Variants in SLC26A4 observed in about 807,000 individuals in gnomAD.
SLC26A4 encodes the protein solute carrier family 26 member 4, also known as pendrin.
A neutral mutation model predicts 90.4 loss-of-function variants in SLC26A4; 93 were observed. The observed-to-expected ratio is 1.03, with a 90% CI of 0.87 to 1.22. The LOEUF is 1.22. Among genes scored for constraint, SLC26A4 ranks in the 50% most tolerant of loss-of-function variants. The pLI, the probability that SLC26A4 is intolerant of heterozygous loss-of-function variation, is 0.00. For synonymous variants in SLC26A4, 393 were observed against 354.6 expected (o/e 1.11, Z -1.22); for missense variants, 1,127 against 946.2 (o/e 1.19, Z -2.51).
rs760794201 is a variant in SLC26A4, at chr7:107,663,363, T to C, written c.232T>C (p.Tyr78His). 5 of 1,613,976 alleles carry C rather than the reference T, an allele frequency of 3.1e-6. No homozygotes were observed. The highest frequency in any genetic ancestry group is 4.2e-6 in the Non-Finnish European group (5 of 1,179,964). Residue 78 changes from tyrosine (Y) to histidine (H), a missense_variant, in exon 3 of 21, where the codon TAC becomes CAC. Transcript: ENST00000644269. ...LVPILEWLPK[Y>H]RVKEWLLSDV... ...GCCCATCTTGGAGTGGCTCCCCAAA[T>C]ACCGAGTCAAGGAATGGCTGCTTAG...
At chr7:107,702,105 T>C in intron 17 of SLC26A4, 48 bp downstream of exon 17, 1 of 1,225,732 alleles carries the variant, frequency 8.2e-7, no homozygotes, top group Non-Finnish European at 1.2e-6. Context: ...TTGGCAATAG[T>C]AAAATGATGT....
chr7:107,702,121 G>A, intron 17 of SLC26A4, 64 bp downstream of exon 17: 2 of 1,049,114 alleles, frequency 1.9e-6, no homozygotes, highest in South Asian at 1.3e-5. Context: ...GATGTGGGTT[G>A]TCCAGTATTG....
At chr7:107,666,611 A>G (rs1050309933) in intron 3 of SLC26A4, among the ~76,000 whole-genome samples, 3 of 152,172 alleles carry the variant, frequency 2.0e-5, no homozygotes, top group Non-Finnish European at 2.9e-5. Flanking sequence ...TGAGAAGGAG[A>G]CAGCCATGTG....
chr7:107,712,417 G>A, intron 19 of SLC26A4, 122 bp from the exon 20 acceptor site: 1 of 688,134 alleles, frequency 1.5e-6, no homozygotes, highest in Non-Finnish European at 2.6e-6. Context: ...CAATACAGCT[G>A]AAGAGGATTC....
chr7:107,681,541 A>G (rs1278825825), intron 6 of SLC26A4, among the ~76,000 whole-genome samples: 2 of 151,492 alleles, frequency 1.3e-5, no homozygotes, highest in African/African-American at 2.4e-5. Context: ...ATCTTCCTAT[A>G]AAATATGTCT....
chr7:107,704,997 A>G (rs1056641930), intron 18 of SLC26A4, among the ~76,000 whole-genome samples: 6 of 152,092 alleles, frequency 3.9e-5, no homozygotes, highest in African/African-American at 1.4e-4. Context: ...TTATTTTACT[A>G]TGTGCCTGTG....
At chr7:107,663,496 C>A in intron 3 of SLC26A4, 61 bp downstream of exon 3, 2 of 1,577,900 alleles carry the variant, frequency 1.3e-6, no homozygotes, top group Non-Finnish European at 1.7e-6. Flanking sequence ...TTCTCCCCAG[C>A]TACCATAGGT....
At chr7:107,679,597 C>A (rs1791121272) in intron 6 of SLC26A4, among the ~76,000 whole-genome samples, 1 of 151,424 alleles carries the variant, frequency 6.6e-6, no homozygotes, top group Non-Finnish European at 1.5e-5. Context: ...TAAAATTTTC[C>A]AAACACAGCA....
chr7:107,714,304 A>G (rs1377191109), intron 20 of SLC26A4, among the ~76,000 whole-genome samples: 1 of 152,212 alleles, frequency 6.6e-6, no homozygotes, highest in Non-Finnish European at 1.5e-5. Context: ...AAATCTGATA[A>G]GCCTGCCTTC....
rs532752812 is a variant in SLC26A4, at chr7:107,695,711, G to T, written c.1438-222G>T. ...GTGGGTAGTCCCAGCTACTTGGGAG[G>T]CTGAGGCGGGAGGATCACTTGAATC... On this transcript the variant is annotated intron_variant, in intron 12 of 20. Coordinates refer to ENST00000644269, the MANE Select transcript of SLC26A4 (RefSeq NM_000441.2). Among the ~76,000 whole-genome samples, 13 of 152,222 alleles carry T rather than the reference G, an allele frequency of 8.5e-5. No individual in the cohort carries two copies. In the East Asian group the frequency reaches 2.5e-3, roughly 29 times the overall value.
intron 6 of SLC26A4, among the ~76,000 whole-genome samples, chr7:107,681,571 GAA>G: frequency 9.6e-6 from 1 of 104,246 alleles, no homozygotes; most frequent in East Asian, 2.6e-4. Flanking sequence ...CTCATTTAAA[GAA>G]AAGTTACCTT....
At position 107,710,074 on chromosome 7, in the gene SLC26A4, G is replaced by C. The variant is rs147733656; in HGVS notation, c.2110G>C (p.Glu704Gln). Residue 704 changes from glutamate (E) to glutamine (Q), a missense_variant, in exon 19 of 21, where the codon GAG (glutamate) becomes CAG (glutamine). Coordinates refer to ENST00000644269, the MANE Select transcript of SLC26A4 (RefSeq NM_000441.2). ...SLQDYVIEKL[E>Q]QCGFFDDNIR... ...TGAAGATTATGTGATAGAAAAGCTG[G>C]AGCAATGCGGGTTCTTTGACGACAA... The C allele has an allele frequency of 6.2e-7, 1 of 1,613,372 alleles. No homozygotes were observed. The highest frequency in any genetic ancestry group is 8.5e-7 in the Non-Finnish European group (1 of 1,179,360).
In SLC26A4 at chr7:107,716,435, A is replaced by C. The variant is rs955589430; in HGVS notation, c.*989A>C. The C allele has an allele frequency of 2.6e-5, 4 of 152,216 alleles. No homozygotes were observed. The highest frequency in any genetic ancestry group is 9.6e-5 in the African/African-American group (4 of 41,464). The allele number at this position is 152,216 out of a possible 1,614,324, so 9.4% of individuals were successfully genotyped here. ...AACTGAACTCTGACCACTTAAAAAA[A>C]AATCTAAAAATTGAACTACCTATAG... On this transcript the variant is annotated 3_prime_UTR_variant, in exon 21 of 21. Coordinates refer to ENST00000644269, the MANE Select transcript of SLC26A4 (RefSeq NM_000441.2).
At chr7:107,674,070 G>C in intron 4 of SLC26A4, 94 bp from the exon 5 acceptor site, 8 of 1,286,786 alleles carry the variant, frequency 6.2e-6, no homozygotes, top group Non-Finnish European at 9.0e-6. Context: ...CCTAGTCACA[G>C]CTAAATCTTT....
chr7:107,715,205 A>C (rs972363781), intron 20 of SLC26A4, among the ~76,000 whole-genome samples: 18 of 151,650 alleles, frequency 1.2e-4, no homozygotes, highest in Non-Finnish European at 2.5e-4. Flanking sequence ...ACAGCACTCC[A>C]GCCTGGGCAA....
rs1325706971 is a variant in SLC26A4 at position 107,704,384 on chromosome 7, A to G, written c.2088A>G (p.Gln696=). Residue 696 remains glutamine (Q), a splice_region_variant and synonymous_variant, in exon 18 of 21, where the codon CAA becomes CAG. Transcript: ENST00000644269. ...IDVNVYFASL[Q]DYVIEKLEQC... ...TGAATGTGTATTTTGCATCACTTCA[A>G]GGTAAATACATATATCTACATATCT... The G allele has an allele frequency of 3.2e-6, 4 of 1,258,338 alleles. No individual in the cohort carries two copies. The highest frequency in any genetic ancestry group is 4.6e-6 in the Non-Finnish European group (4 of 860,428). 77.9% of individuals were successfully genotyped at this position (1,258,338 alleles called of 1,614,324 possible). A position where few individuals can be genotyped will look rare whatever the true frequency, so the allele number is the denominator to read the frequency against.
At chr7:107,704,247 T>G in intron 17 of SLC26A4, 84 bp from the exon 18 acceptor site, 1 of 706,340 alleles carries the variant, frequency 1.4e-6, no homozygotes, top group South Asian at 1.5e-5. Flanking sequence ...TAATAATGTT[T>G]CTCCTGAGCA....
At chr7:107,707,896 A>T (rs959980712) in intron 18 of SLC26A4, among the ~76,000 whole-genome samples, 1 of 152,190 alleles carries the variant, frequency 6.6e-6, no homozygotes, top group Non-Finnish European at 1.5e-5. Context: ...AGTTTGTCAA[A>T]TACCAAAGGT....
intron 6 of SLC26A4, among the ~76,000 whole-genome samples, chr7:107,680,544 G>A (rs1409369628): frequency 3.4e-5 from 5 of 149,242 alleles, no homozygotes; most frequent in Non-Finnish European, 7.4e-5. Context: ...TTTACATGGT[G>A]AGTTTTATTT....
Sources: allele counts gnomAD v4.1 joint callset (sites outside exome capture counted in the v4.1 genomes callset), GRCh38; gene constraint gnomAD v4.1.1; transcripts MANE v1.5; gene names NCBI Gene and HGNC (gene_info 2026-07-23, HGNC 2026-07-21).